The following LRRC4C variants were observed in gnomAD, a reference collection of about 807,000 sequenced individuals.
LRRC4C encodes the protein leucine rich repeat containing 4C, also known as leucine-rich repeat-containing protein 4C.
A neutral mutation model predicts 33.6 loss-of-function variants in LRRC4C; 5 were observed. That is an observed-to-expected ratio of 0.15 (90% CI 0.08 to 0.31). The LOEUF (loss-of-function observed/expected upper bound fraction) is 0.31, where lower values mean the gene tolerates loss of function less well. Ranked by LOEUF, LRRC4C falls within the 10% of genes least tolerant of loss-of-function variation. The pLI is 1.00. For missense variants in LRRC4C, 560 were observed against 796.7 expected, an observed-to-expected ratio of 0.70 and a Z score of 3.58; for synonymous variants, 329 against 302.0, an observed-to-expected ratio of 1.09 and a Z score of -0.93.
At chr11:40,713,667 G>A (rs773971005) in intron 2 of LRRC4C, among the ~76,000 whole-genome samples, 20 of 152,322 alleles carry the variant, frequency 1.3e-4, no homozygotes, top group Non-Finnish European at 2.2e-4. Flanking sequence ...GACAATCTGA[G>A]TAAGACATTT....
chr11:41,001,685 A>G (rs1368936382), intron 1 of LRRC4C, among the ~76,000 whole-genome samples: 1 of 152,176 alleles, frequency 6.6e-6, no homozygotes, highest in Non-Finnish European at 1.5e-5. Flanking sequence ...CCAAGATATT[A>G]ATCAAGTGAA....
intron 1 of LRRC4C, among the ~76,000 whole-genome samples, chr11:41,040,334 C>T (rs1027431478): frequency 3.3e-5 from 5 of 151,796 alleles, no homozygotes; most frequent in East Asian, 1.9e-4. Flanking sequence ...AATCAAGAAA[C>T]GTGGGATTAG....
intron 1 of LRRC4C, among the ~76,000 whole-genome samples, chr11:41,246,492 A>C (rs1474359986): frequency 2.0e-5 from 3 of 152,106 alleles, no homozygotes; most frequent in African/African-American, 7.2e-5. Context: ...GTGGCTGAGC[A>C]GCTATAGCTG....
At chr11:41,093,176 T>C (rs1940553739) in intron 1 of LRRC4C, among the ~76,000 whole-genome samples, 1 of 152,230 alleles carries the variant, frequency 6.6e-6, no homozygotes, top group Non-Finnish European at 1.5e-5. Context: ...CCAACTCCTC[T>C]GTTCTTTAAT....
At chr11:40,704,308 C>G (rs1946031772) in intron 2 of LRRC4C, among the ~76,000 whole-genome samples, 1 of 152,058 alleles carries the variant, frequency 6.6e-6, no homozygotes, top group Admixed American at 6.5e-5. Flanking sequence ...TTCTGAGGGA[C>G]TATTGTATTT....
At chr11:40,339,223 T>A in intron 3 of LRRC4C, among the ~76,000 whole-genome samples, 1 of 152,288 alleles carries the variant, frequency 6.6e-6, no homozygotes, top group Admixed American at 6.5e-5. Context: ...GGAAACAAGG[T>A]TGTAGTCAGG....
chr11:40,951,774 C>T (rs1565235499), intron 1 of LRRC4C, among the ~76,000 whole-genome samples: 1 of 151,878 alleles, frequency 6.6e-6, no homozygotes. Flanking sequence ...ATGTAATATA[C>T]CTCGGTAAGA....
intron 1 of LRRC4C, among the ~76,000 whole-genome samples, chr11:41,174,143 A>C (rs1027587406): frequency 1.3e-5 from 2 of 152,138 alleles, no homozygotes; most frequent in African/African-American, 4.8e-5. Flanking sequence ...CTGAATGAAC[A>C]GGCAAATAAA....
intron 3 of LRRC4C, among the ~76,000 whole-genome samples, chr11:40,608,535 C>T (rs554645719): frequency 6.6e-6 from 1 of 152,094 alleles, no homozygotes; most frequent in Admixed American, 6.5e-5. Flanking sequence ...GAAAGCCCTT[C>T]CCTATCAGTA....
chr11:40,164,414 T>A (rs578047838), intron 5 of LRRC4C, among the ~76,000 whole-genome samples: 1 of 152,322 alleles, frequency 6.6e-6, no homozygotes. Flanking sequence ...GCTAATTTTT[T>A]GTATTTTTAG....
intron 1 of LRRC4C, among the ~76,000 whole-genome samples, chr11:41,049,947 G>T (rs908305506): frequency 4.6e-5 from 7 of 152,188 alleles, no homozygotes; most frequent in African/African-American, 1.7e-4. Flanking sequence ...GAATAAAACA[G>T]AATTTTCCAA....
At chr11:41,206,634 T>A (rs1425699394) in intron 1 of LRRC4C, among the ~76,000 whole-genome samples, 1 of 152,228 alleles carries the variant, frequency 6.6e-6, no homozygotes, top group East Asian at 1.9e-4. Flanking sequence ...AAAATTTAGC[T>A]AATGTAGGCT....
At chr11:40,670,212 T>G (rs990942933) in intron 2 of LRRC4C, among the ~76,000 whole-genome samples, 1 of 152,184 alleles carries the variant, frequency 6.6e-6, no homozygotes, top group African/African-American at 2.4e-5. Flanking sequence ...TCCTATCACC[T>G]TCACTAGACA....
At chr11:40,634,576 A>T (rs185971457) in intron 3 of LRRC4C, among the ~76,000 whole-genome samples, 4 of 152,288 alleles carry the variant, frequency 2.6e-5, no homozygotes, top group Non-Finnish European at 1.5e-5. Flanking sequence ...TTTACTTTAA[A>T]AATAAATGCT....
At chr11:40,841,369 A>G (rs967661918) in intron 2 of LRRC4C, among the ~76,000 whole-genome samples, 6 of 152,180 alleles carry the variant, frequency 3.9e-5, no homozygotes, top group South Asian at 4.1e-4. Context: ...TTCTCTCCCC[A>G]TACCAATTCA....
rs749515494 is a variant in LRRC4C, at chr11:40,964,260, G to A, written c.-495-30537C>T. 1.0e-3 allele frequency among the ~76,000 whole-genome samples: 159 copies of A among 151,542 alleles called. 1 individual carries two copies. The highest frequency in any genetic ancestry group is 2.5e-3 in the Admixed American group (38 of 15,176). ...ATCATTGATTTATATCAGACATCAC[G>A]CTGAAAAGCTGCAAGTGGCAGAAAA... On this transcript the variant is annotated intron_variant, in intron 1 of 6. Transcript: ENST00000528697.
At chr11:40,657,535 T>G (rs1943192184) in intron 2 of LRRC4C, among the ~76,000 whole-genome samples, 1 of 152,200 alleles carries the variant, frequency 6.6e-6, no homozygotes, top group Admixed American at 6.5e-5. Context: ...CATATCTAGT[T>G]GTCTCCTTTG....
At chr11:40,145,981 T>C (rs1472107664) in intron 5 of LRRC4C, among the ~76,000 whole-genome samples, 1 of 152,164 alleles carries the variant, frequency 6.6e-6, no homozygotes, top group Non-Finnish European at 1.5e-5. Flanking sequence ...CTGCTAGAAG[T>C]ACCCTAGTTT....
At chr11:40,410,213 A>G (rs1950108335) in intron 3 of LRRC4C, among the ~76,000 whole-genome samples, 1 of 152,108 alleles carries the variant, frequency 6.6e-6, no homozygotes, top group Non-Finnish European at 1.5e-5. Context: ...ATGTATTTCA[A>G]AAATTTTAGT....
Sources: gnomAD v4.1 joint callset for allele counts (sites outside exome capture counted in the v4.1 genomes callset) on GRCh38, gnomAD v4.1.1 for gene constraint, MANE v1.5 for transcripts, NCBI Gene and HGNC (gene_info 2026-07-23, HGNC 2026-07-21) for gene names.